TRABD2B: variants seen among roughly 807,000 people sequenced by gnomAD.
The protein encoded by TRABD2B is metalloprotease TIKI2.
In TRABD2B, 14 loss-of-function variants were observed where a neutral mutation model predicts 40.1. The ratio of observed to expected loss-of-function variants is 0.35; its 90% CI spans 0.23 to 0.55. The LOEUF is 0.55. Among genes scored for constraint, TRABD2B ranks in the 20% least tolerant of loss-of-function variants. The pLI, the probability that TRABD2B is intolerant of heterozygous loss-of-function variation, is 0.90. For missense variants in TRABD2B, 541 were observed against 648.6 expected, an observed-to-expected ratio of 0.83 and a Z score of 1.80; for synonymous variants, 263 against 277.0, an observed-to-expected ratio of 0.95 and a Z score of 0.50.
At chr1:47,974,980 G>A (rs1645735217) in intron 2 of TRABD2B, among the ~76,000 whole-genome samples, 1 of 152,190 alleles carries the variant, frequency 6.6e-6, no homozygotes, top group Non-Finnish European at 1.5e-5. Context: ...GAGGGACAGT[G>A]CTCTTCAAAA....
At chr1:47,968,616 G>T (rs1645637179) in intron 2 of TRABD2B, among the ~76,000 whole-genome samples, 1 of 152,130 alleles carries the variant, frequency 6.6e-6, no homozygotes, top group Non-Finnish European at 1.5e-5. Context: ...CACTCACCAT[G>T]TATGAGCCCC....
intron 3 of TRABD2B, among the ~76,000 whole-genome samples, chr1:47,795,927 C>T (rs1011023563): frequency 2.6e-5 from 4 of 152,152 alleles, no homozygotes; most frequent in African/African-American, 9.7e-5. Flanking sequence ...AGCCACATGG[C>T]CTGGGAACAG....
At chr1:47,908,273 T>C (rs1424193142) in intron 2 of TRABD2B, among the ~76,000 whole-genome samples, 2 of 152,220 alleles carry the variant, frequency 1.3e-5, no homozygotes, top group African/African-American at 4.8e-5. Flanking sequence ...ATACATCAAA[T>C]GTTAACAGTG....
chr1:47,940,868 T>TA (rs1206483286), intron 2 of TRABD2B, among the ~76,000 whole-genome samples: 4 of 152,198 alleles, frequency 2.6e-5, no homozygotes, highest in Non-Finnish European at 5.9e-5. Flanking sequence ...AAAATGCCCA[T>TA]AATGGCGTAT....
chr1:47,786,699 T>C (rs1313107867), intron 4 of TRABD2B, among the ~76,000 whole-genome samples: 1 of 152,052 alleles, frequency 6.6e-6, no homozygotes, highest in Non-Finnish European at 1.5e-5. Flanking sequence ...GTTATTTTTG[T>C]TTGTTCATTT....
intron 4 of TRABD2B, among the ~76,000 whole-genome samples, chr1:47,782,280 TTC>T (rs1238979033): frequency 7.2e-5 from 11 of 152,192 alleles, no homozygotes; most frequent in African/African-American, 2.7e-4. Flanking sequence ...ATACGATCAG[TTC>T]CCAGAGGCCC....
At chr1:47,985,813 A>G (rs1391797113) in intron 2 of TRABD2B, among the ~76,000 whole-genome samples, 1 of 152,250 alleles carries the variant, frequency 6.6e-6, no homozygotes, top group African/African-American at 2.4e-5. Flanking sequence ...CTTGCTGTAA[A>G]GTGACATTTG....
intron 2 of TRABD2B, among the ~76,000 whole-genome samples, chr1:47,938,627 G>A (rs905910131): frequency 1.6e-4 from 25 of 152,104 alleles, no homozygotes; most frequent in Admixed American, 3.9e-4. Flanking sequence ...TCTTCTCTCT[G>A]GGATTGAGAA....
chr1:47,908,929 G>A (rs753970028), intron 2 of TRABD2B, among the ~76,000 whole-genome samples: 2 of 152,216 alleles, frequency 1.3e-5, no homozygotes, highest in Non-Finnish European at 2.9e-5. Flanking sequence ...GAGCTTCAGC[G>A]CATGAATCTA....
At chr1:47,964,700 G>A (rs905270167) in intron 2 of TRABD2B, among the ~76,000 whole-genome samples, 3 of 152,054 alleles carry the variant, frequency 2.0e-5, no homozygotes, top group African/African-American at 7.2e-5. Flanking sequence ...TTTCAACTAG[G>A]GTATTACGGT....
At chr1:47,973,234 C>A (rs1244070188) in intron 2 of TRABD2B, among the ~76,000 whole-genome samples, 1 of 152,208 alleles carries the variant, frequency 6.6e-6, no homozygotes, top group Admixed American at 6.5e-5. Context: ...GGGCCTGGGC[C>A]AGCAGGGGGC....
At position 47,811,270 on chromosome 1, in the gene TRABD2B, C is replaced by T. The variant is rs554595336; in HGVS notation, c.667-9651G>A. Among the ~76,000 whole-genome samples the T allele has an allele frequency of 4.6e-5, 7 of 152,194 alleles. No individual in the cohort carries two copies. The East Asian group carries it at 1.4e-3, about 29-fold the overall frequency. The stretch of plus-strand genomic sequence containing the variant: ...CTCCTCCCTTCCCCTCACCACCCCC[C>T]CATCGCCCACCCAGTGCCCAGCCAC... On this transcript the variant is annotated intron_variant, in intron 2 of 6. Transcript: ENST00000606738.
In TRABD2B at chr1:47,801,581, C is replaced by G; in HGVS notation, c.705G>C (p.Glu235Asp). 6.5e-7 allele frequency: 1 copy of G among 1,536,010 alleles called. No homozygotes were observed. The highest frequency in any genetic ancestry group is 8.7e-7 in the Non-Finnish European group (1 of 1,146,824). ...CCTGCAGGCTCCCGGCCCGCACACT[C>G]TCCTGCTGCAGCAGGGTTTGGTTCA... Reference protein sequence around the residue: ...FALNQTLLQQESVRAGSLQAS... With the variant: ...FALNQTLLQQDSVRAGSLQAS... Residue 235 changes from glutamate (E) to aspartate (D), a missense_variant, in exon 3 of 7, where the codon GAG (glutamate) becomes GAC (aspartate). Transcript: ENST00000606738.
At chr1:47,965,633 C>T (rs980949572) in intron 2 of TRABD2B, among the ~76,000 whole-genome samples, 6 of 152,164 alleles carry the variant, frequency 3.9e-5, no homozygotes, top group Admixed American at 1.3e-4. Context: ...TGACAAGGTG[C>T]CCAATACCTA....
At chr1:47,958,744 C>T (rs1251773671) in intron 2 of TRABD2B, among the ~76,000 whole-genome samples, 1 of 152,194 alleles carries the variant, frequency 6.6e-6, no homozygotes, top group African/African-American at 2.4e-5. Context: ...AGACTTAAGA[C>T]TCCCACACAG....
At chr1:47,901,556 C>G (rs1644599616) in intron 2 of TRABD2B, among the ~76,000 whole-genome samples, 1 of 152,200 alleles carries the variant, frequency 6.6e-6, no homozygotes, top group Non-Finnish European at 1.5e-5. Context: ...ACAGCCTCCA[C>G]CTCCCTGACT....
intron 2 of TRABD2B, among the ~76,000 whole-genome samples, chr1:47,887,914 T>A (rs1644392355): frequency 6.6e-6 from 1 of 152,186 alleles, no homozygotes; most frequent in Non-Finnish European, 1.5e-5. Context: ...CGTGAAATGT[T>A]TCCATTTCCC....
At position 47,887,587 on chromosome 1, in the gene TRABD2B, G is replaced by C. The variant is rs186782693; in HGVS notation, c.667-85968C>G. On this transcript the variant is annotated intron_variant, in intron 2 of 6. Coordinates refer to ENST00000606738, the MANE Select transcript of TRABD2B (RefSeq NM_001194986.2). ...AAAGTCCTGGGGTGGGGGCCGGCGG[G>C]GGGTGGGTGATTACATGACAAAGCC... Among the ~76,000 whole-genome samples the C allele has an allele frequency of 4.9e-4, 75 of 152,090 alleles. 1 individual carries two copies. The highest frequency in any genetic ancestry group is 1.9e-4 in the Non-Finnish European group (13 of 68,004).
chr1:47,812,212 C>T (rs917027297), intron 2 of TRABD2B, among the ~76,000 whole-genome samples: 1 of 152,184 alleles, frequency 6.6e-6, no homozygotes, highest in Non-Finnish European at 1.5e-5. Flanking sequence ...CTGGAAAGTC[C>T]CAGAGAATCA....
Sources: gnomAD v4.1 joint callset for allele counts (sites outside exome capture counted in the v4.1 genomes callset) on GRCh38, gnomAD v4.1.1 for gene constraint, MANE v1.5 for transcripts, NCBI Gene and HGNC (gene_info 2026-07-23, HGNC 2026-07-21) for gene names.